ATF7IP: variants seen among roughly 807,000 people sequenced by gnomAD.
ATF7IP encodes the protein activating transcription factor 7-interacting protein 1.
In ATF7IP, 23 loss-of-function variants were observed where a neutral mutation model predicts 106.4. The observed-to-expected ratio is 0.22, with a 90% CI of 0.16 to 0.31. The LOEUF is 0.31. Ranked by LOEUF, ATF7IP falls within the 10% of genes least tolerant of loss-of-function variation. The pLI is 1.00. For missense variants in ATF7IP, 1,334 were observed against 1,524.3 expected (o/e 0.88, Z 2.08); for synonymous variants, 542 against 539.0 (o/e 1.01, Z -0.08).
At chr12:14,378,734 A>T (rs552451842) in intron 1 of ATF7IP, among the ~76,000 whole-genome samples, 26 of 152,336 alleles carry the variant, frequency 1.7e-4, no homozygotes, top group Non-Finnish European at 3.1e-4. Context: ...ATCATGACCC[A>T]TTCCCTTGAT....
chr12:14,437,428 T>A (rs955739439), intron 4 of ATF7IP, among the ~76,000 whole-genome samples: 1 of 152,176 alleles, frequency 6.6e-6, no homozygotes, highest in African/African-American at 2.4e-5. Context: ...GCTTATTCAG[T>A]CTTTCTTACA....
At chr12:14,431,625 AC>A (rs1942143254) in intron 2 of ATF7IP, among the ~76,000 whole-genome samples, 1 of 152,004 alleles carries the variant, frequency 6.6e-6, no homozygotes, top group Non-Finnish European at 1.5e-5. Context: ...CGATCTCCTG[AC>A]CTTGTGATCC....
chr12:14,395,807 CTA>C (rs1244520243), intron 1 of ATF7IP, among the ~76,000 whole-genome samples: 2 of 151,846 alleles, frequency 1.3e-5, no homozygotes, highest in South Asian at 2.1e-4. Flanking sequence ...TTCCATTTCT[CTA>C]TATTTAAATT....
At chr12:14,449,170 G>A (rs911932379) in intron 6 of ATF7IP, among the ~76,000 whole-genome samples, 3 of 151,708 alleles carry the variant, frequency 2.0e-5, no homozygotes, top group Non-Finnish European at 4.4e-5. Flanking sequence ...GTCTATTTTT[G>A]CTTTTCTTAC....
At chr12:14,430,882 G>C (rs1408358587) in intron 2 of ATF7IP, among the ~76,000 whole-genome samples, 1 of 152,178 alleles carries the variant, frequency 6.6e-6, no homozygotes, top group Non-Finnish European at 1.5e-5. Flanking sequence ...GCTGATTCCT[G>C]CAACAAGGAC....
At position 14,486,787 on chromosome 12, in the gene ATF7IP, G is replaced by C. The variant is rs183239058; in HGVS notation, c.3280+5602G>C. 1.4e-4 allele frequency among the ~76,000 whole-genome samples: 22 copies of C among 152,220 alleles called. 1 individual carries two copies. In the East Asian group the frequency reaches 3.5e-3, roughly 24 times the overall value. On this transcript the variant is annotated intron_variant, in intron 13 of 14. Coordinates refer to ENST00000261168, the MANE Select transcript of ATF7IP (RefSeq NM_018179.5). Reference sequence around the variant, plus strand: ...TTGGCCCCTGCCAACTTAGGATCCAGTTATTTCCATTGTATTTAAATTTTG... The same window carrying C: ...TTGGCCCCTGCCAACTTAGGATCCACTTATTTCCATTGTATTTAAATTTTG...
intron 5 of ATF7IP, 30 bp from the exon 6 acceptor site, chr12:14,446,958 A>G: frequency 7.2e-7 from 1 of 1,395,660 alleles, no homozygotes; most frequent in East Asian, 2.6e-5. Context: ...TTTGATTTCC[A>G]TTCATTTTTG....
chr12:14,404,215 T>C (rs1940426380), intron 1 of ATF7IP, among the ~76,000 whole-genome samples: 1 of 152,126 alleles, frequency 6.6e-6, no homozygotes, highest in Non-Finnish European at 1.5e-5. Flanking sequence ...CTTCTAATTT[T>C]CATGGTCATA....
chr12:14,474,950 T>G (rs1281019874), intron 10 of ATF7IP, among the ~76,000 whole-genome samples: 4 of 152,210 alleles, frequency 2.6e-5, no homozygotes, highest in Admixed American at 2.6e-4. Context: ...GAAATCATTA[T>G]TGTAGAAAGA....
chr12:14,401,503 T>C (rs539996045), intron 1 of ATF7IP, among the ~76,000 whole-genome samples: 1 of 152,150 alleles, frequency 6.6e-6, no homozygotes, highest in South Asian at 2.1e-4. Context: ...GGCCTTTCTT[T>C]CTTGTTTGTG....
At chr12:14,490,248 T>G (rs1193115068) in intron 13 of ATF7IP, among the ~76,000 whole-genome samples, 1 of 152,216 alleles carries the variant, frequency 6.6e-6, no homozygotes, top group East Asian at 1.9e-4. Context: ...CCTATGGACT[T>G]GATTATTAAT....
intron 9 of ATF7IP, among the ~76,000 whole-genome samples, chr12:14,462,178 T>A (rs536259978): frequency 7.9e-5 from 12 of 152,062 alleles, no homozygotes; most frequent in Non-Finnish European, 1.3e-4. Context: ...TATATGAAAG[T>A]GTAATTATTA....
At chr12:14,427,425 C>T (rs908801551) in intron 2 of ATF7IP, among the ~76,000 whole-genome samples, 1 of 151,818 alleles carries the variant, frequency 6.6e-6, no homozygotes, top group Non-Finnish European at 1.5e-5. Flanking sequence ...TGCAGTGGCA[C>T]GATCTTGGCT....
chr12:14,501,498 C>T lies in ATF7IP; in HGVS notation c.*3425C>T, dbSNP rs1216432763. 6 of 152,180 alleles carry T rather than the reference C, an allele frequency of 3.9e-5. No individual in the cohort carries two copies. Among genetic ancestry groups the T allele is most frequent in the African/African-American group, 7.2e-5 (3 of 41,440 alleles). The allele number at this position is 152,180 out of a possible 1,614,324, so 9.4% of individuals were successfully genotyped here. On this transcript the variant is annotated 3_prime_UTR_variant, in exon 15 of 15. Transcript: ENST00000261168. ...GAAATTTATAAATCACATACGAAGA[C>T]GTCTGTTGCTAACAGTTAACTTTAT...
intron 1 of ATF7IP, among the ~76,000 whole-genome samples, chr12:14,369,713 C>A (rs1938455867): frequency 6.6e-6 from 1 of 151,964 alleles, no homozygotes; most frequent in South Asian, 2.1e-4. Context: ...ACTTTTACAT[C>A]TATGTGGACA....
intron 1 of ATF7IP, among the ~76,000 whole-genome samples, chr12:14,405,538 C>T (rs762951526): frequency 2.2e-4 from 33 of 150,758 alleles, no homozygotes; most frequent in South Asian, 6.3e-4. Flanking sequence ...CCTCAGCCTC[C>T]GGAGTAGCTG....
Position 14,385,534 on chromosome 12 carries a change from T to A in ATF7IP, c.-8+19707T>A, listed in dbSNP as rs943347686. On this transcript the variant is annotated intron_variant, in intron 1 of 14. Transcript: ENST00000261168. ...AAGTTGAAATGTTTGGTAGAACCTTTAAGCCTTTATTATGGAAACAGTACA... is the reference window on the plus strand; with the variant it reads ...AAGTTGAAATGTTTGGTAGAACCTTAAAGCCTTTATTATGGAAACAGTACA... 1.3e-3 allele frequency: 914 copies of A among 729,214 alleles called. 1 individual carries two copies. Among genetic ancestry groups the A allele is most frequent in the Non-Finnish European group, 1.8e-3 (840 of 454,320 alleles). 45.2% of individuals were successfully genotyped at this position (729,214 alleles called of 1,614,324 possible).
Position 14,456,599 on chromosome 12 carries a change from A to C in ATF7IP, c.2034A>C (p.Val678=). 6.2e-7 allele frequency: 1 copy of C among 1,612,598 alleles called. No homozygotes were observed. The highest frequency in any genetic ancestry group is 8.5e-7 in the Non-Finnish European group (1 of 1,179,432). The change falls in exon 7 of 15, where the codon GTA becomes GTC. Residue 678 remains valine (V), a synonymous_variant. Transcript: ENST00000261168. ...PNPPVSPGKT[V]NDVNSNNNMS... ...CACCAGTATCACCAGGAAAAACTGT[A>C]AATGATGTCAACAGCAATAATAACA...
chr12:14,496,206 C>T (rs1178032757), intron 13 of ATF7IP, 25 bp from the exon 14 acceptor site: 2 of 1,384,794 alleles, frequency 1.4e-6, no homozygotes, highest in Admixed American at 3.4e-5. Flanking sequence ...TCATTTTATC[C>T]TGTAATTTTT....
Sources: gnomAD v4.1 joint callset for allele counts (sites outside exome capture counted in the v4.1 genomes callset) on GRCh38, gnomAD v4.1.1 for gene constraint, MANE v1.5 for transcripts, NCBI Gene and HGNC (gene_info 2026-07-23, HGNC 2026-07-21) for gene names.